The following KCNK9 variants were observed in gnomAD, a reference collection of about 807,000 sequenced individuals.
KCNK9 encodes potassium channel subfamily K member 9.
A neutral mutation model predicts 10.8 loss-of-function variants in KCNK9; 1 was observed. That is an observed-to-expected ratio of 0.09 (90% CI 0.03 to 0.44). KCNK9 has a LOEUF of 0.44. KCNK9 is among the 20% of genes least tolerant of loss of function. KCNK9 has a pLI of 0.97. For synonymous variants in KCNK9, 231 were observed against 222.7 expected (o/e 1.04, Z -0.33); for missense variants, 303 against 515.0 (o/e 0.59, Z 3.98).
In KCNK9 at chr8:139,639,401, G is replaced by T. The variant is rs535162900; in HGVS notation, c.284-20302C>A. On this transcript the variant is annotated intron_variant, in intron 1 of 1. Coordinates refer to ENST00000520439, the MANE Select transcript of KCNK9 (RefSeq NM_001282534.2). The stretch of plus-strand genomic sequence containing the variant: ...TCTGCTCATTTTGCAAGTGTGCCTG[G>T]CACGCTGTCTGGCGGGGAGTAGTGA... Among the ~76,000 whole-genome samples, 2 of 152,338 alleles carry T rather than the reference G, an allele frequency of 1.3e-5. 1 individual carries two copies. The highest frequency in any genetic ancestry group is 4.1e-4 in the South Asian group (2 of 4,830).
intron 2 of KCNK9, among the ~76,000 whole-genome samples, chr8:139,606,816 A>G (rs936471206): frequency 1.3e-5 from 2 of 152,204 alleles, no homozygotes; most frequent in Non-Finnish European, 2.9e-5. Context: ...GATATCTTCA[A>G]ATCTCTCAAG....
chr8:139,700,524 A>G (rs1204934711), intron 1 of KCNK9, among the ~76,000 whole-genome samples: 103 of 123,750 alleles, frequency 8.3e-4, no homozygotes, highest in East Asian at 3.3e-3. Flanking sequence ...GCGCGCGCAC[A>G]CACACACACA....
chr8:139,687,142 G>A (rs974423326), intron 1 of KCNK9, among the ~76,000 whole-genome samples: 8 of 151,856 alleles, frequency 5.3e-5, no homozygotes, highest in African/African-American at 1.9e-4. Context: ...TTCAAAGAAT[G>A]TAAGAGCCAA....
At chr8:139,605,578 C>G (rs1339104091) in intron 2 of KCNK9, among the ~76,000 whole-genome samples, 1 of 152,148 alleles carries the variant, frequency 6.6e-6, no homozygotes, top group East Asian at 1.9e-4. Context: ...GACGAGGCAT[C>G]AAAGCAGGTC....
At chr8:139,667,714 CACA>C (rs1207291019) in intron 1 of KCNK9, among the ~76,000 whole-genome samples, 1 of 151,796 alleles carries the variant, frequency 6.6e-6, no homozygotes, top group Non-Finnish European at 1.5e-5. Flanking sequence ...AAATGGTCCT[CACA>C]ACATTCCTTA....
chr8:139,700,536 A>ACGCGCGCG (rs1817189939), intron 1 of KCNK9, among the ~76,000 whole-genome samples: 4 of 118,974 alleles, frequency 3.4e-5, no homozygotes, highest in East Asian at 3.0e-4. Flanking sequence ...ACACACACAC[A>ACGCGCGCG]CACGCGCGCA....
At chr8:139,644,160 C>T (rs59878319) in intron 1 of KCNK9, among the ~76,000 whole-genome samples, 1 of 152,138 alleles carries the variant, frequency 6.6e-6, no homozygotes, top group African/African-American at 2.4e-5. Flanking sequence ...CCCCATCATC[C>T]CTGTCCAACT....
downstream of KCNK9, among the ~76,000 whole-genome samples, chr8:139,615,251 C>T (rs576388471): frequency 4.6e-5 from 7 of 150,670 alleles, no homozygotes; most frequent in South Asian, 2.1e-4. Context: ...GATAAGTGTT[C>T]GCCTTCTCTG....
At position 139,619,035 on chromosome 8, in the gene KCNK9, C is replaced by T. The variant is rs769219929; in HGVS notation, c.348G>A (p.Leu116=). ...ACATGACCAGTGTCAGCGGGATGCC[C>T]AGCACGGCGTAGAACATGCAGAAGG... ...GKAFCMFYAV[L]GIPLTLVMFQ... The change falls in exon 2 of 2, where the codon CTG becomes CTA. Residue 116 remains leucine (L), a synonymous_variant. Transcript: ENST00000520439. 6.2e-7 allele frequency: 1 copy of T among 1,614,204 alleles called. No homozygotes were observed. Among genetic ancestry groups the T allele is most frequent in the South Asian group, 1.1e-5 (1 of 91,078 alleles).
intron 1 of KCNK9, among the ~76,000 whole-genome samples, chr8:139,694,018 C>T (rs1294322756): frequency 6.6e-6 from 1 of 152,134 alleles, no homozygotes; most frequent in Non-Finnish European, 1.5e-5. Context: ...CCCCAAAGCC[C>T]CCGGCTTGAC....
intron 1 of KCNK9, among the ~76,000 whole-genome samples, chr8:139,663,763 A>C (rs1816229031): frequency 6.6e-6 from 1 of 151,824 alleles, no homozygotes; most frequent in Non-Finnish European, 1.5e-5. Flanking sequence ...CGCCTGAGAG[A>C]CCTCGAGGAA....
At chr8:139,666,193 T>TG (rs1816295661) in intron 1 of KCNK9, among the ~76,000 whole-genome samples, 1 of 152,176 alleles carries the variant, frequency 6.6e-6, no homozygotes, top group African/African-American at 2.4e-5. Flanking sequence ...GGGAGACAGC[T>TG]GCAAAGCCTG....
At chr8:139,668,037 C>G (rs1816341340) in intron 1 of KCNK9, among the ~76,000 whole-genome samples, 1 of 152,222 alleles carries the variant, frequency 6.6e-6, no homozygotes, top group Non-Finnish European at 1.5e-5. Context: ...GGCAACCCTG[C>G]AGCAAGCAAG....
chr8:139,665,321 C>T (rs534846631), intron 1 of KCNK9, among the ~76,000 whole-genome samples: 1 of 152,282 alleles, frequency 6.6e-6, no homozygotes, highest in South Asian at 2.1e-4. Flanking sequence ...GTAGTCCTCA[C>T]ATCACACCCC....
intron 1 of KCNK9, among the ~76,000 whole-genome samples, chr8:139,681,649 A>G (rs1320319151): frequency 6.6e-6 from 1 of 152,216 alleles, no homozygotes; most frequent in Admixed American, 6.5e-5. Flanking sequence ...CACAGCGGGC[A>G]GCAAGCTGGC....
At chr8:139,614,646 T>C (rs897215974), downstream of KCNK9, among the ~76,000 whole-genome samples, 4 of 152,238 alleles carry the variant, frequency 2.6e-5, no homozygotes, top group Non-Finnish European at 5.9e-5. Flanking sequence ...CCCAGAGGGG[T>C]TGGTTCAGTC....
At chr8:139,633,783 G>A (rs1186929377) in intron 1 of KCNK9, among the ~76,000 whole-genome samples, 1 of 152,228 alleles carries the variant, frequency 6.6e-6, no homozygotes, top group Non-Finnish European at 1.5e-5. Context: ...TCCCATCCTA[G>A]ACAACCAACA....
chr8:139,606,977 C>T (rs898645597), intron 2 of KCNK9, among the ~76,000 whole-genome samples: 5 of 152,074 alleles, frequency 3.3e-5, no homozygotes, highest in East Asian at 1.9e-4. Flanking sequence ...CACATCCCCC[C>T]GCAACACACA....
intron 2 of KCNK9, among the ~76,000 whole-genome samples, chr8:139,607,206 C>T (rs1814249474): frequency 6.6e-6 from 1 of 152,174 alleles, no homozygotes; most frequent in African/African-American, 2.4e-5. Flanking sequence ...AAAACAGTTG[C>T]CCAGACTTGT....
Sources: gnomAD v4.1 joint callset for allele counts (sites outside exome capture counted in the v4.1 genomes callset) on GRCh38, gnomAD v4.1.1 for gene constraint, MANE v1.5 for transcripts, NCBI Gene and HGNC (gene_info 2026-07-23, HGNC 2026-07-21) for gene names.